The following CFDP1 variants were observed in gnomAD, a reference collection of about 807,000 sequenced individuals.
The protein encoded by CFDP1 is chromatin remodeling protein CFDP1.
Under a neutral mutation model 40.1 loss-of-function variants are expected in CFDP1, and 31 were observed. The ratio of observed to expected loss-of-function variants is 0.77; its 90% confidence interval spans 0.58 to 1.04. CFDP1 has a LOEUF of 1.04. Ranked by LOEUF, CFDP1 falls within the 50% of genes least tolerant of loss-of-function variation. CFDP1 has a pLI of 0.00. For missense variants in CFDP1, 423 were observed against 343.4 expected (o/e 1.23, Z -1.83); for synonymous variants, 167 against 120.0 (o/e 1.39, Z -2.56).
At chr16:75,295,112 T>G (rs1213486229) in intron 6 of CFDP1, among the ~76,000 whole-genome samples, 1 of 151,968 alleles carries the variant, frequency 6.6e-6, no homozygotes. Context: ...GCATCTGTCA[T>G]TACAAAGTCA....
intron 5 of CFDP1, among the ~76,000 whole-genome samples, chr16:75,334,209 C>A (rs1380923344): frequency 2.0e-5 from 3 of 151,708 alleles, no homozygotes; most frequent in Admixed American, 6.6e-5. Flanking sequence ...CACCCTAACC[C>A]TAACCCTAAC....
At chr16:75,362,508 C>T (rs2078686490) in intron 5 of CFDP1, among the ~76,000 whole-genome samples, 1 of 152,100 alleles carries the variant, frequency 6.6e-6, no homozygotes, top group African/African-American at 2.4e-5. Context: ...AAATACTGTC[C>T]GAATAGCTAT....
At chr16:75,428,509 CGA>C (rs1441102693) in intron 1 of CFDP1, among the ~76,000 whole-genome samples, 1 of 151,494 alleles carries the variant, frequency 6.6e-6, no homozygotes, top group Non-Finnish European at 1.5e-5. Context: ...CCCAGCTACT[CGA>C]GAGGCTGAGG....
intron 1 of CFDP1, among the ~76,000 whole-genome samples, chr16:75,428,809 T>C (rs1289673965): frequency 2.6e-5 from 4 of 151,822 alleles, no homozygotes; most frequent in African/African-American, 9.7e-5. Context: ...AGATATATCA[T>C]GGTGACATAT....
chr16:75,336,903 C>T (rs2078492689), intron 5 of CFDP1, among the ~76,000 whole-genome samples: 1 of 152,102 alleles, frequency 6.6e-6, no homozygotes, highest in Non-Finnish European at 1.5e-5. Context: ...TTTGTATTTC[C>T]TTTCTTGCGA....
chr16:75,383,817 T>TAAAAAAAAAA (rs35216321), intron 5 of CFDP1, among the ~76,000 whole-genome samples: 1 of 127,406 alleles, frequency 7.8e-6, no homozygotes, highest in Non-Finnish European at 1.6e-5. Context: ...GACTCCGTCT[T>TAAAAAAAAAA]AAAAAAAAAA....
At position 75,377,542 on chromosome 16, in the gene CFDP1, GAAAT is replaced by G. The variant is rs970692844; in HGVS notation, c.650+17544_650+17547del. Among the ~76,000 whole-genome samples, 174 of 152,110 alleles carry G rather than the reference GAAAT, an allele frequency of 1.1e-3. 1 individual carries two copies. Among genetic ancestry groups the G allele is most frequent in the African/African-American group, 4.0e-3 (166 of 41,494 alleles). On this transcript the variant is annotated intron_variant, in intron 5 of 6. Coordinates refer to ENST00000283882, the MANE Select transcript of CFDP1 (RefSeq NM_006324.3). ...AAGCTTTCCAGCTGAAGTAACAAAA[GAAAT>G]AAAGAAAAGAAAAAGGTGGCAAAGA...
chr16:75,307,756 G>C (rs929087711), intron 5 of CFDP1, among the ~76,000 whole-genome samples: 2 of 152,022 alleles, frequency 1.3e-5, no homozygotes, highest in Non-Finnish European at 2.9e-5. Flanking sequence ...ACAGGGTCTT[G>C]CTATGTTGCC....
chr16:75,377,562 G>T (rs2078811678), intron 5 of CFDP1, among the ~76,000 whole-genome samples: 1 of 152,176 alleles, frequency 6.6e-6, no homozygotes, highest in African/African-American at 2.4e-5. Context: ...AAAGAAAAAG[G>T]TGGCAAAGAA....
At chr16:75,375,184 C>T (rs2078783016) in intron 5 of CFDP1, among the ~76,000 whole-genome samples, 1 of 151,484 alleles carries the variant, frequency 6.6e-6, no homozygotes, top group Non-Finnish European at 1.5e-5. Flanking sequence ...TTTCTTAGGA[C>T]ACAAAAAGCA....
At chr16:75,414,325 T>C (rs775587406) in intron 2 of CFDP1, among the ~76,000 whole-genome samples, 18 of 152,240 alleles carry the variant, frequency 1.2e-4, no homozygotes, top group Non-Finnish European at 2.6e-4. Context: ...TAAACATCTT[T>C]TCAGGGACTG....
At chr16:75,432,416 C>T (rs2079432450) in intron 1 of CFDP1, among the ~76,000 whole-genome samples, 1 of 140,720 alleles carries the variant, frequency 7.1e-6, no homozygotes, top group Non-Finnish European at 1.6e-5. Flanking sequence ...GCGGGCGTGG[C>T]AGCCTGCACC....
At chr16:75,369,299 C>G (rs1308863767) in intron 5 of CFDP1, among the ~76,000 whole-genome samples, 1 of 152,024 alleles carries the variant, frequency 6.6e-6, no homozygotes, top group East Asian at 1.9e-4. Flanking sequence ...TGCCTGTAAT[C>G]CAAGCACTTT....
At chr16:75,305,850 G>A (rs1297306514) in intron 5 of CFDP1, among the ~76,000 whole-genome samples, 1 of 152,126 alleles carries the variant, frequency 6.6e-6, no homozygotes, top group Admixed American at 6.5e-5. Context: ...TTTTCCAGGA[G>A]GTGGAGAACA....
chr16:75,366,755 C>A (rs1370906146), intron 5 of CFDP1, among the ~76,000 whole-genome samples: 1 of 152,164 alleles, frequency 6.6e-6, no homozygotes, highest in African/African-American at 2.4e-5. Context: ...GGGCTCCCAT[C>A]TTCTGGGGCT....
At chr16:75,328,137 G>C (rs1049604038) in intron 5 of CFDP1, among the ~76,000 whole-genome samples, 2 of 149,262 alleles carry the variant, frequency 1.3e-5, no homozygotes, top group Non-Finnish European at 3.0e-5. Context: ...ACAGGAATTG[G>C]TACTTGATTT....
At chr16:75,384,380 G>C (rs1220573680) in intron 5 of CFDP1, among the ~76,000 whole-genome samples, 3 of 152,030 alleles carry the variant, frequency 2.0e-5, no homozygotes, top group East Asian at 3.9e-4. Context: ...AGAAAGAAAA[G>C]AGGAAAAATT....
At chr16:75,380,364 G>A (rs1201049581) in intron 5 of CFDP1, among the ~76,000 whole-genome samples, 2 of 152,084 alleles carry the variant, frequency 1.3e-5, no homozygotes, top group African/African-American at 4.8e-5. Context: ...GAAAACCACA[G>A]TAGAGCACAT....
chr16:75,382,813 T>C (rs2078863069), intron 5 of CFDP1, among the ~76,000 whole-genome samples: 1 of 151,774 alleles, frequency 6.6e-6, no homozygotes, highest in Non-Finnish European at 1.5e-5. Context: ...TGTCATGCTC[T>C]ATTTGACTGT....
Sources: gnomAD v4.1 joint callset for allele counts (sites outside exome capture counted in the v4.1 genomes callset) on GRCh38, gnomAD v4.1.1 for gene constraint, MANE v1.5 for transcripts, NCBI Gene and HGNC (gene_info 2026-07-23, HGNC 2026-07-21) for gene names.